Variants in SLC9B1 observed in about 807,000 individuals in gnomAD.
SLC9B1 encodes the protein solute carrier family 9 member B1, also known as sodium/hydrogen exchanger 9B1.
SLC9B1 carries 32 observed loss-of-function variants against 51.7 expected under a neutral mutation model. The ratio of observed to expected loss-of-function variants is 0.62; its 90% CI spans 0.47 to 0.83. SLC9B1 has a LOEUF of 0.83. Ranked by LOEUF, SLC9B1 falls within the 40% of genes least tolerant of loss-of-function variation. SLC9B1 has a pLI of 0.00. For missense variants in SLC9B1, 406 were observed against 613.2 expected (o/e 0.66, Z 3.57); for synonymous variants, 145 against 212.7 (o/e 0.68, Z 2.77).
intron 7 of SLC9B1, among the ~76,000 whole-genome samples, chr4:102,921,381 A>G (rs1735869263): frequency 6.6e-6 from 1 of 152,230 alleles, no homozygotes; most frequent in East Asian, 1.9e-4. Flanking sequence ...TGTCACCACC[A>G]GGCCTGCCTT....
chr4:102,927,435 C>T (rs1736241953), intron 7 of SLC9B1, among the ~76,000 whole-genome samples: 1 of 152,084 alleles, frequency 6.6e-6, no homozygotes, highest in Non-Finnish European at 1.5e-5. Flanking sequence ...GACACTTCTC[C>T]AAAGTAGACA....
chr4:102,932,406 A>G, intron 6 of SLC9B1, 107 bp from the exon 7 acceptor site: 1 of 1,072,980 alleles, frequency 9.3e-7, no homozygotes, highest in Non-Finnish European at 1.3e-6. Context: ...GTTTAGAAGA[A>G]TTTCAAATTT....
chr4:102,914,178 T>C (rs1359275125), intron 7 of SLC9B1, among the ~76,000 whole-genome samples: 2 of 146,748 alleles, frequency 1.4e-5, no homozygotes, highest in African/African-American at 5.1e-5. Context: ...CTTCTGTTTG[T>C]GGGTGGGATG....
intron 6 of SLC9B1, chr4:102,941,349 T>C: frequency 2.6e-6 from 1 of 386,736 alleles, no homozygotes; most frequent in Non-Finnish European, 5.3e-6. Context: ...GACCAGACAC[T>C]TCTCAAAAGA....
chr4:103,012,446 G>A (rs1237501868), intron 1 of SLC9B1, among the ~76,000 whole-genome samples: 1 of 152,172 alleles, frequency 6.6e-6, no homozygotes, highest in Non-Finnish European at 1.5e-5. Flanking sequence ...TCTTTATACA[G>A]CTCTCCTCGT....
chr4:102,994,600 T>A (rs1327105978), intron 1 of SLC9B1, among the ~76,000 whole-genome samples: 1 of 152,192 alleles, frequency 6.6e-6, no homozygotes, highest in Non-Finnish European at 1.5e-5. Flanking sequence ...GGTGCCAGTT[T>A]ACATTAGTCC....
At chr4:102,970,814 C>G (rs1295798846) in intron 3 of SLC9B1, among the ~76,000 whole-genome samples, 1 of 151,832 alleles carries the variant, frequency 6.6e-6, no homozygotes, top group African/African-American at 2.4e-5. Flanking sequence ...AAATGAAAAG[C>G]AAAAAATAGC....
At chr4:103,005,728 T>TA (rs564334534) in intron 1 of SLC9B1, among the ~76,000 whole-genome samples, 1 of 151,950 alleles carries the variant, frequency 6.6e-6, no homozygotes, top group Non-Finnish European at 1.5e-5. Flanking sequence ...TCAGCAAATT[T>TA]AAAAAAACTG....
Position 102,974,240 on chromosome 4 carries a change from T to TAAAAA in SLC9B1, c.211+15559_211+15560insTTTTT, listed in dbSNP as rs1402190390. ...CAACAGAGCAAGACTCTGTCTAAAATTGAAAAAAAAAAAAAAAAAAAAAAA... is the reference window on the plus strand; with the variant it reads ...CAACAGAGCAAGACTCTGTCTAAAATAAAAATGAAAAAAAAAAAAAAAAAAAAAAA... On this transcript the variant is annotated intron_variant, in intron 3 of 11. Coordinates refer to ENST00000296422, the MANE Select transcript of SLC9B1 (RefSeq NM_139173.4). Among the ~76,000 whole-genome samples, 47 of 76,276 alleles carry TAAAAA rather than the reference T, an allele frequency of 6.2e-4. 3 individuals carry two copies. The highest frequency in any genetic ancestry group is 2.2e-3 in the African/African-American group (42 of 19,096). The allele number at this position is 76,276 out of a possible 152,430, so 50.0% of individuals were successfully genotyped here. A position where few individuals can be genotyped will look rare whatever the true frequency, so the allele number is the denominator to read the frequency against.
At chr4:102,962,787 C>T (rs1309835920) in intron 3 of SLC9B1, 2 of 475,590 alleles carry the variant, frequency 4.2e-6, no homozygotes, top group African/African-American at 4.0e-5. Context: ...TACATTTGCC[C>T]TGATACAGTC....
chr4:102,992,580 T>A (rs1030621511), intron 1 of SLC9B1, among the ~76,000 whole-genome samples: 1 of 152,194 alleles, frequency 6.6e-6, no homozygotes, highest in African/African-American at 2.4e-5. Context: ...CTTACCATAA[T>A]GAAGTAAAAT....
At chr4:102,919,457 G>C (rs1735750062) in intron 7 of SLC9B1, among the ~76,000 whole-genome samples, 1 of 152,094 alleles carries the variant, frequency 6.6e-6, no homozygotes, top group Non-Finnish European at 1.5e-5. Flanking sequence ...GGCCAAATAG[G>C]AACAGTTCCG....
At position 102,916,299 on chromosome 4, in the gene SLC9B1, G is replaced by C. The variant is rs2110437756; in HGVS notation, c.830-4762C>G. 1.3e-5 allele frequency among the ~76,000 whole-genome samples: 2 copies of C among 152,244 alleles called. 1 individual carries two copies. Among genetic ancestry groups the C allele is most frequent in the Middle Eastern group, 6.8e-3 (2 of 294 alleles). ...AAGAGAACAACGATGGCCATACTTA[G>C]ACAAAATAGAGTTTAAGTCAAATAA... On this transcript the variant is annotated intron_variant, in intron 7 of 11. Transcript: ENST00000296422.
chr4:102,919,478 C>T lies in SLC9B1; in HGVS notation c.830-7941G>A, dbSNP rs190308839. The stretch of plus-strand genomic sequence containing the variant: ...ATAGGAACAGTTCCGGTCTGCAGCT[C>T]CCAGCATGATCGACGCAGAAGACAG... On this transcript the variant is annotated intron_variant, in intron 7 of 11. Transcript: ENST00000296422. 1.4e-3 allele frequency among the ~76,000 whole-genome samples: 209 copies of T among 152,210 alleles called. 1 individual carries two copies. The highest frequency in any genetic ancestry group is 1.9e-3 in the South Asian group (9 of 4,826).
At chr4:102,904,797 C>T (rs1267111087) in intron 11 of SLC9B1, among the ~76,000 whole-genome samples, 3 of 152,014 alleles carry the variant, frequency 2.0e-5, no homozygotes, top group Non-Finnish European at 4.4e-5. Flanking sequence ...GCCTGGCCAA[C>T]GTGGTGAGAC....
At chr4:103,004,282 T>C (rs1740674721) in intron 1 of SLC9B1, among the ~76,000 whole-genome samples, 1 of 152,168 alleles carries the variant, frequency 6.6e-6, no homozygotes, top group Non-Finnish European at 1.5e-5. Flanking sequence ...TACAAGAATT[T>C]CATAATACAA....
intron 11 of SLC9B1, among the ~76,000 whole-genome samples, chr4:102,893,281 C>CAAAAAAAAAAAAAAAAA (rs58316456): frequency 2.5e-3 from 87 of 35,092 alleles, no homozygotes; most frequent in Non-Finnish European, 3.2e-3. Context: ...GACTCCATCT[C>CAAAAAAAAAAAAAAAAA]AAAAAAAAAA....
chr4:102,890,806 C>CAATAAGTAAGCTACTTATTCT (rs1327456037), intron 11 of SLC9B1: 27 of 128,380 alleles, frequency 2.1e-4, no homozygotes, highest in African/African-American at 8.1e-4. Context: ...TGCCACTGCA[C>CAATAAGTAAGCTACTTATTCT]TCCAGCCTGG....
At chr4:102,894,526 A>G (rs544523279) in intron 11 of SLC9B1, among the ~76,000 whole-genome samples, 2 of 152,298 alleles carry the variant, frequency 1.3e-5, no homozygotes, top group South Asian at 2.1e-4. Flanking sequence ...AAAATATATT[A>G]GCAATAAGCA....
Sources: allele counts gnomAD v4.1 joint callset (sites outside exome capture counted in the v4.1 genomes callset), GRCh38; gene constraint gnomAD v4.1.1; transcripts MANE v1.5; gene names NCBI Gene and HGNC (gene_info 2026-07-23, HGNC 2026-07-21).